The following THAP6 variants were observed in gnomAD, a reference collection of about 807,000 sequenced individuals.
THAP6 encodes the protein THAP domain containing 6.
Under a neutral mutation model 20.0 loss-of-function variants are expected in THAP6, and 13 were observed. That is an observed-to-expected ratio of 0.65 (90% CI 0.42 to 1.03). THAP6 has a LOEUF of 1.03. Among genes scored for constraint, THAP6 ranks in the 50% least tolerant of loss-of-function variants. The probability of loss-of-function intolerance (pLI) is 0.00; values close to 1 mark genes in which losing one functional copy is unlikely to be tolerated. For synonymous variants in THAP6, 93 were observed against 92.2 expected (o/e 1.01, Z -0.05); for missense variants, 262 against 261.6 (o/e 1.00, Z -0.01).
chr4:75,527,076 A>G lies in THAP6; in HGVS notation c.531A>G (p.Lys177=). The G allele has an allele frequency of 1.9e-6, 3 of 1,614,124 alleles. No homozygotes were observed. Among genetic ancestry groups the G allele is most frequent in the Non-Finnish European group, 2.5e-6 (3 of 1,179,996 alleles). ...TACGGAATGTTTTAGACCGAGAAAA[A>G]CGTTTTCAGAAATCATTGAGGAAGA... ...ESLRNVLDRE[K]RFQKSLRKTI... is the part of the protein sequence containing the mutation. The change falls in exon 5 of 5, where the codon AAA becomes AAG. Residue 177 remains lysine (K), a synonymous_variant. Coordinates refer to ENST00000311638, the MANE Select transcript of THAP6 (RefSeq NM_144721.6).
intron 4 of THAP6, chr4:75,522,069 C>T: frequency 8.2e-6 from 4 of 489,922 alleles, no homozygotes; most frequent in Non-Finnish European, 1.4e-5. Context: ...ATGTAGTTCA[C>T]TGAAGAAGGC....
chr4:75,527,178 T>C lies in THAP6; in HGVS notation c.633T>C (p.Cys211=), dbSNP rs376143739. Residue 211 remains cysteine (C), a synonymous_variant, in exon 5 of 5, where the codon TGT becomes TGC. Coordinates refer to ENST00000311638, the MANE Select transcript of THAP6 (RefSeq NM_144721.6). ...ANRLDTFCWD[C]CQESIEQDYI... ...GACTGGACACTTTCTGTTGGGACTG[T>C]TGTCAGGAGAGCATAGAACAGGACT... 7.4e-6 allele frequency: 12 copies of C among 1,613,982 alleles called. No individual in the cohort carries two copies. The African/African-American group carries it at 1.3e-4, about 18-fold the overall frequency.
At chr4:75,535,329 G>T (rs1165334704) in intron 2 of THAP6, among the ~76,000 whole-genome samples, 1 of 152,178 alleles carries the variant, frequency 6.6e-6, no homozygotes, top group African/African-American at 2.4e-5. Context: ...TTTGATGAGG[G>T]CTGCCCCATG....
downstream of THAP6, among the ~76,000 whole-genome samples, chr4:75,534,956 A>T (rs1726808942): frequency 6.6e-6 from 1 of 152,218 alleles, no homozygotes; most frequent in South Asian, 2.1e-4. Context: ...TGTTGGTGGG[A>T]CTGTCAACTA....
intron 4 of THAP6, among the ~76,000 whole-genome samples, chr4:75,524,070 G>T (rs539270169): frequency 6.6e-6 from 1 of 152,194 alleles, no homozygotes; most frequent in African/African-American, 2.4e-5. Context: ...AAGTGAGTTC[G>T]CTGTAGGTGT....
chr4:75,520,844 T>G (rs1315394999), intron 3 of THAP6, among the ~76,000 whole-genome samples: 1 of 152,206 alleles, frequency 6.6e-6, no homozygotes, highest in Non-Finnish European at 1.5e-5. Context: ...TTGCTAAAAT[T>G]GATAGGCAAA....
chr4:75,540,115 T>C (rs1726965123), intron 2 of THAP6, among the ~76,000 whole-genome samples: 1 of 152,262 alleles, frequency 6.6e-6, no homozygotes, highest in South Asian at 2.1e-4. Context: ...ATCTTAGATA[T>C]GTTTCGTTCA....
At chr4:75,514,256 T>C (rs2148792880), upstream of THAP6, 2 of 1,612,896 alleles carry the variant, frequency 1.2e-6, no homozygotes, top group South Asian at 2.2e-5. Flanking sequence ...TCTTGACCGC[T>C]GGCGCCATCT....
At chr4:75,520,501 C>T (rs958009012) in intron 3 of THAP6, among the ~76,000 whole-genome samples, 14 of 152,100 alleles carry the variant, frequency 9.2e-5, no homozygotes, top group Admixed American at 2.0e-4. Flanking sequence ...ATTATATAGA[C>T]GATTTTTTAC....
chr4:75,526,899 T>C lies in THAP6; in HGVS notation c.415-61T>C, dbSNP rs1245933277. On this transcript the variant is annotated intron_variant, in intron 4 of 4. Coordinates refer to ENST00000311638, the MANE Select transcript of THAP6 (RefSeq NM_144721.6). Reference sequence around the variant, plus strand: ...AATGAAGAAACAGCTTAGACCTAGTTATAAGCTTTTATCCAACTACATATC... The same window carrying C: ...AATGAAGAAACAGCTTAGACCTAGTCATAAGCTTTTATCCAACTACATATC... The C allele has an allele frequency of 5.7e-6, 9 of 1,568,736 alleles. No individual in the cohort carries two copies. The Admixed American group carries it at 1.7e-4, about 29-fold the overall frequency.
At chr4:75,533,816 G>T (rs1277196985), downstream of THAP6, among the ~76,000 whole-genome samples, 1 of 151,802 alleles carries the variant, frequency 6.6e-6, no homozygotes, top group African/African-American at 2.4e-5. Context: ...CAACATGCAG[G>T]TTCCTTACAT....
chr4:75,539,778 C>A (rs2148831757), intron 2 of THAP6: 1 of 1,517,764 alleles, frequency 6.6e-7, no homozygotes, highest in Non-Finnish European at 8.8e-7. Context: ...AATTTTATTT[C>A]ATTGCGTATA....
chr4:75,536,609 C>A (rs1157490185), intron 2 of THAP6, among the ~76,000 whole-genome samples: 4 of 152,192 alleles, frequency 2.6e-5, no homozygotes, highest in African/African-American at 9.7e-5. Flanking sequence ...ACTGCAACCT[C>A]CACCTACTGG....
intron 3 of THAP6, among the ~76,000 whole-genome samples, chr4:75,520,185 T>G (rs1725934968): frequency 6.6e-6 from 1 of 152,232 alleles, no homozygotes; most frequent in Admixed American, 6.5e-5. Context: ...TGTTTGTTTT[T>G]TTCTTGTAAA....
chr4:75,547,222 C>A (rs994774796), intron 3 of THAP6, among the ~76,000 whole-genome samples: 1 of 152,106 alleles, frequency 6.6e-6, no homozygotes, highest in East Asian at 1.9e-4. Flanking sequence ...AGCCCTGGGG[C>A]TAAAACTAAT....
intron 2 of THAP6, among the ~76,000 whole-genome samples, chr4:75,515,790 C>T (rs1452787178): frequency 2.0e-5 from 3 of 152,190 alleles, no homozygotes; most frequent in Non-Finnish European, 4.4e-5. Flanking sequence ...AATATTATTA[C>T]TTTGTATTTT....
At chr4:75,538,994 A>C (rs1726939421) in intron 2 of THAP6, among the ~76,000 whole-genome samples, 1 of 152,174 alleles carries the variant, frequency 6.6e-6, no homozygotes, top group Admixed American at 6.5e-5. Flanking sequence ...ACATTTCCAC[A>C]CGTATTTTTC....
At position 75,527,433 on chromosome 4, in the gene THAP6, T is replaced by TA; in HGVS notation, c.*220dup. 2 of 1,348,268 alleles carry TA rather than the reference T, an allele frequency of 1.5e-6. No individual in the cohort carries two copies. Among genetic ancestry groups the TA allele is most frequent in the South Asian group, 1.8e-5 (1 of 54,360 alleles). The allele number at this position is 1,348,268 out of a possible 1,614,324, so 83.5% of individuals were successfully genotyped here. A position where few individuals can be genotyped will look rare whatever the true frequency, so the allele number is the denominator to read the frequency against. ...TTGTGACAATTATGTTTTATAGACC[T>TA]ACACTAGTGCCAGGTCACTATTGTA... On this transcript the variant is annotated 3_prime_UTR_variant, in exon 5 of 5. Transcript: ENST00000311638.
At chr4:75,543,657 G>C (rs578057163) in intron 3 of THAP6, among the ~76,000 whole-genome samples, 6 of 152,338 alleles carry the variant, frequency 3.9e-5, no homozygotes, top group African/African-American at 1.2e-4. Flanking sequence ...GGAACCAAGA[G>C]AGTAGAGAAA....
Sources: allele counts gnomAD v4.1 joint callset (sites outside exome capture counted in the v4.1 genomes callset), GRCh38; gene constraint gnomAD v4.1.1; transcripts MANE v1.5; gene names NCBI Gene and HGNC (gene_info 2026-07-23, HGNC 2026-07-21).